The following PSMD14 variants were observed in gnomAD, a reference collection of about 807,000 sequenced individuals.
PSMD14 encodes ubiquitin C-terminal hydrolase PSMD14.
PSMD14 carries 7 observed loss-of-function variants against 41.2 expected under a neutral mutation model. The ratio of observed to expected loss-of-function variants is 0.17; its 90% CI spans 0.10 to 0.32. The LOEUF (loss-of-function observed/expected upper bound fraction) is 0.32. PSMD14 is among the 10% of genes least tolerant of loss of function. The probability of loss-of-function intolerance (pLI) is 1.00; values close to 1 mark genes in which losing one functional copy is unlikely to be tolerated. For synonymous variants in PSMD14, 114 were observed against 122.3 expected (o/e 0.93, Z 0.45); for missense variants, 139 against 375.6 (o/e 0.37, Z 5.21).
intron 1 of PSMD14, among the ~76,000 whole-genome samples, chr2:161,311,286 G>C (rs1689084251): frequency 1.3e-5 from 2 of 152,118 alleles, no homozygotes; most frequent in African/African-American, 4.8e-5. Flanking sequence ...TCCAGCCTGG[G>C]CAACAGAGCG....
intron 1 of PSMD14, among the ~76,000 whole-genome samples, chr2:161,310,044 C>G (rs989681512): frequency 6.6e-6 from 1 of 151,992 alleles, no homozygotes; most frequent in African/African-American, 2.4e-5. Context: ...GCCTGTATTC[C>G]CAGCTACCTC....
chr2:161,389,630 A>C (rs1683679962), intron 8 of PSMD14, among the ~76,000 whole-genome samples: 1 of 152,038 alleles, frequency 6.6e-6, no homozygotes, highest in South Asian at 2.1e-4. Context: ...TAAAGTACTC[A>C]TCTAAAATAT....
rs539126264 is a variant in PSMD14, at chr2:161,318,920, C to A, written c.48+47C>A. ...CATTTCCTTGTGTGTAAACTACAAG[C>A]CTTTTTGTAGTTAGCCAAAGAGAAA... On this transcript the variant is annotated intron_variant, in intron 3 of 11. Transcript: ENST00000409682. 1.8e-5 allele frequency: 27 copies of A among 1,483,250 alleles called. No individual in the cohort carries two copies. In the South Asian group the frequency reaches 3.0e-4, roughly 17 times the overall value. The allele number at this position is 1,483,250 out of a possible 1,614,324, so 91.9% of individuals were successfully genotyped here. A position where few individuals can be genotyped will look rare whatever the true frequency, so the allele number is the denominator to read the frequency against.
chr2:161,383,585 T>C (rs1292227479), intron 7 of PSMD14: 3 of 151,782 alleles, frequency 2.0e-5, no homozygotes, highest in Non-Finnish European at 4.4e-5. Context: ...TCTGCTATTT[T>C]AGTTTCAAAG....
At chr2:161,359,265 C>T (rs575637926) in intron 3 of PSMD14, among the ~76,000 whole-genome samples, 4 of 152,286 alleles carry the variant, frequency 2.6e-5, no homozygotes, top group South Asian at 4.1e-4. Context: ...AGCCACTGTG[C>T]CTGGCCCTAC....
At chr2:161,380,798 C>T (rs1396787175) in intron 7 of PSMD14, among the ~76,000 whole-genome samples, 1 of 151,968 alleles carries the variant, frequency 6.6e-6, no homozygotes, top group African/African-American at 2.4e-5. Context: ...ATGCTGTGGG[C>T]TTACAAGAGA....
At chr2:161,357,549 A>G (rs1161354442) in intron 3 of PSMD14, among the ~76,000 whole-genome samples, 1 of 152,184 alleles carries the variant, frequency 6.6e-6, no homozygotes, top group Non-Finnish European at 1.5e-5. Context: ...ATATAGCAAA[A>G]GTAATTATTT....
intron 5 of PSMD14, among the ~76,000 whole-genome samples, chr2:161,368,589 T>C (rs1324608329): frequency 3.3e-5 from 5 of 152,036 alleles, no homozygotes; most frequent in African/African-American, 1.2e-4. Flanking sequence ...CAAAAAACAA[T>C]AACCATTCCA....
chr2:161,314,181 G>A (rs1351115054), intron 1 of PSMD14, among the ~76,000 whole-genome samples: 1 of 152,054 alleles, frequency 6.6e-6, no homozygotes, highest in African/African-American at 2.4e-5. Flanking sequence ...TCACATTTGT[G>A]TACACTTTAG....
At chr2:161,319,000 C>A (rs961224731) in intron 3 of PSMD14, 127 bp downstream of exon 3, 61 of 613,728 alleles carry the variant, frequency 9.9e-5, no homozygotes, top group Non-Finnish European at 1.5e-4. Flanking sequence ...AGAATCTTAC[C>A]TTATTGATGT....
intron 5 of PSMD14, among the ~76,000 whole-genome samples, chr2:161,369,855 T>C (rs981259390): frequency 3.3e-5 from 5 of 152,044 alleles, no homozygotes; most frequent in Admixed American, 6.6e-5. Context: ...CTGGTAAACA[T>C]ATACACAGCA....
intron 9 of PSMD14, among the ~76,000 whole-genome samples, chr2:161,394,551 A>G (rs544634506): frequency 4.1e-4 from 62 of 152,330 alleles, no homozygotes; most frequent in African/African-American, 1.4e-3. Flanking sequence ...TAATTCATTC[A>G]TTCATCAGAT....
At chr2:161,327,167 A>T (rs1479932621) in intron 3 of PSMD14, among the ~76,000 whole-genome samples, 1 of 152,212 alleles carries the variant, frequency 6.6e-6, no homozygotes, top group Non-Finnish European at 1.5e-5. Context: ...AGAGTATCAG[A>T]TTCATAATGA....
chr2:161,325,543 T>C lies in PSMD14; in HGVS notation c.48+6670T>C, dbSNP rs114553461. ...ATGACTGGAATAAATGAAAAAATAA[T>C]ACTGTTTTCATGGATGAGGACTCTA... is the stretch of plus-strand genomic sequence containing the variant. On this transcript the variant is annotated intron_variant, in intron 3 of 11. Transcript: ENST00000409682. 9.3e-3 allele frequency among the ~76,000 whole-genome samples: 1,424 copies of C among 152,302 alleles called. 12 individuals are homozygous for C. Among genetic ancestry groups the C allele is most frequent in the Non-Finnish European group, 0.016 (1,085 of 68,018 alleles).
Position 161,411,498 on chromosome 2 carries a change from A to G in PSMD14, c.*98A>G. On this transcript the variant is annotated 3_prime_UTR_variant, in exon 12 of 12. Coordinates refer to ENST00000409682, the MANE Select transcript of PSMD14 (RefSeq NM_005805.6). ...GACCTCTGAAGGTGTACTTGGCTAA[A>G]TGTAAGACATCTGGCATCATTTGCA... The G allele has an allele frequency of 1.4e-6, 1 of 710,078 alleles. No individual in the cohort carries two copies. The highest frequency in any genetic ancestry group is 2.2e-6 in the Non-Finnish European group (1 of 456,384). The allele number at this position is 710,078 out of a possible 1,614,324, so 44.0% of individuals were successfully genotyped here.
chr2:161,316,949 C>T (rs1689154357), intron 2 of PSMD14, among the ~76,000 whole-genome samples: 2 of 152,104 alleles, frequency 1.3e-5, no homozygotes, highest in Non-Finnish European at 2.9e-5. Context: ...GATAGATAAA[C>T]TGAACACAGC....
chr2:161,325,312 A>T (rs1285238880), intron 3 of PSMD14, among the ~76,000 whole-genome samples: 1 of 152,174 alleles, frequency 6.6e-6, no homozygotes, highest in Non-Finnish European at 1.5e-5. Flanking sequence ...CGGTGGCTAG[A>T]TAAAAAAAAA....
chr2:161,370,081 A>G (rs781562903), intron 5 of PSMD14, 26 bp from the exon 6 acceptor site: 15 of 1,495,286 alleles, frequency 1.0e-5, no homozygotes, highest in Non-Finnish European at 1.3e-5. Flanking sequence ...ACAAAAATTA[A>G]TAATTTTTCT....
chr2:161,344,117 G>T, intron 3 of PSMD14, among the ~76,000 whole-genome samples: 1 of 149,256 alleles, frequency 6.7e-6, no homozygotes, highest in Admixed American at 6.7e-5. Context: ...CTTGGTGCGG[G>T]GGGGTGGGGA....
Sources: gnomAD v4.1 joint callset for allele counts (sites outside exome capture counted in the v4.1 genomes callset) on GRCh38, gnomAD v4.1.1 for gene constraint, MANE v1.5 for transcripts, NCBI Gene and HGNC (gene_info 2026-07-23, HGNC 2026-07-21) for gene names.